Variants in ORC3 observed in about 807,000 individuals in gnomAD.
ORC3 encodes homolog of latheo, Drosophila.
ORC3 carries 78 observed loss-of-function variants against 100.7 expected under a neutral mutation model. That is an observed-to-expected ratio of 0.77 (90% confidence interval 0.65 to 0.94). The LOEUF (loss-of-function observed/expected upper bound fraction) is 0.94. ORC3 is among the 40% of genes least tolerant of loss of function. ORC3 has a pLI of 0.00. For missense variants in ORC3, 789 were observed against 823.9 expected, an observed-to-expected ratio of 0.96 and a Z score of 0.52; for synonymous variants, 295 against 289.3, an observed-to-expected ratio of 1.02 and a Z score of -0.20.
intron 13 of ORC3, among the ~76,000 whole-genome samples, chr6:87,649,507 A>C (rs1583142438): frequency 6.6e-6 from 1 of 152,148 alleles, no homozygotes; most frequent in Non-Finnish European, 1.5e-5. Context: ...CAGCACTTTG[A>C]GAGGCCGAGG....
chr6:87,667,622 T>TA (rs1282919115), downstream of ORC3, among the ~76,000 whole-genome samples: 1 of 151,370 alleles, frequency 6.6e-6, no homozygotes, highest in East Asian at 1.9e-4. Flanking sequence ...CCTGTAGTCT[T>TA]ACAACTTTAA....
chr6:87,596,985 T>G (rs1204189336), intron 2 of ORC3, among the ~76,000 whole-genome samples: 1 of 152,216 alleles, frequency 6.6e-6, no homozygotes, highest in Admixed American at 6.5e-5. Flanking sequence ...AAACTGATAT[T>G]AATACAATCT....
chr6:87,612,132 G>A lies in ORC3; in HGVS notation c.757G>A (p.Ala253Thr). 2 of 1,613,396 alleles carry A rather than the reference G, an allele frequency of 1.2e-6. No homozygotes were observed. The highest frequency in any genetic ancestry group is 2.2e-5 in the East Asian group (1 of 44,784). The change falls in exon 8 of 20, where the codon GCC (alanine) becomes ACC (threonine). Residue 253 changes from alanine to threonine, a missense_variant. Physicochemically the swap from Ala to Thr is moderately conservative, Grantham distance 58 (BLOSUM62 0). Transcript: ENST00000392844. ...EFPLILIFGI[A>T]TSPIIIHRLL... ...TCCACTAATACTCATTTTTGGAATA[G>A]CCACATCTCCTATTATCATCCACCG...
At position 87,643,183 on chromosome 6, in the gene ORC3, C is replaced by T. The variant is rs370579870; in HGVS notation, c.1382+6697C>T. On this transcript the variant is annotated intron_variant, in intron 13 of 19. Coordinates refer to ENST00000392844, the MANE Select transcript of ORC3 (RefSeq NM_012381.4). Reference sequence around the variant, plus strand: ...AAGAATTAGCTGAGATATGGCCTAGCGAGGTGGCTCACGCCTGTAATCCCA... The same window carrying T: ...AAGAATTAGCTGAGATATGGCCTAGTGAGGTGGCTCACGCCTGTAATCCCA... 3.5e-4 allele frequency among the ~76,000 whole-genome samples: 52 copies of T among 148,694 alleles called. 1 individual carries two copies. The highest frequency in any genetic ancestry group is 2.8e-4 in the Non-Finnish European group (19 of 66,734).
chr6:87,651,337 C>T (rs36090981), intron 13 of ORC3: 20,662 of 455,520 alleles, frequency 0.045, 612 homozygotes, highest in African/African-American at 0.099. Flanking sequence ...AAGTCAGTGC[C>T]GGTGATTCCT....
At chr6:87,594,282 A>G (rs1777261044) in intron 1 of ORC3, 71 bp from the exon 2 acceptor site, 2 of 1,107,160 alleles carry the variant, frequency 1.8e-6, no homozygotes, top group Admixed American at 2.1e-5. Flanking sequence ...TACCCATAAA[A>G]TATTTGGTTA....
intron 13 of ORC3, among the ~76,000 whole-genome samples, chr6:87,650,579 T>C (rs1769182627): frequency 6.6e-6 from 1 of 152,210 alleles, no homozygotes; most frequent in Non-Finnish European, 1.5e-5. Context: ...AAATAATGAC[T>C]TTATTGGGGT....
intron 6 of ORC3, among the ~76,000 whole-genome samples, chr6:87,608,144 C>G (rs901615397): frequency 6.6e-6 from 1 of 152,136 alleles, no homozygotes; most frequent in Admixed American, 6.5e-5. Flanking sequence ...GTAACTATAA[C>G]TTTAGTATAT....
intron 13 of ORC3, among the ~76,000 whole-genome samples, chr6:87,639,982 G>C (rs1768117737): frequency 6.6e-6 from 1 of 152,100 alleles, no homozygotes; most frequent in Non-Finnish European, 1.5e-5. Context: ...GGGTGACAGT[G>C]AGATTTCGTC....
the ORC3 span, among the ~76,000 whole-genome samples, chr6:87,676,596 A>AACACACGCACGCGCGCGCACAC: frequency 6.6e-3 from 944 of 142,140 alleles, 14 homozygotes; most frequent in African/African-American, 0.024. Flanking sequence ...CTCTACTAAA[A>AACACACGCACGCGCGCGCACAC]ACACACACAC....
intron 8 of ORC3, among the ~76,000 whole-genome samples, chr6:87,613,515 A>C (rs1248850359): frequency 6.6e-6 from 1 of 152,176 alleles, no homozygotes; most frequent in Non-Finnish European, 1.5e-5. Context: ...CCAAAGTCCT[A>C]ACTCATTTCA....
intron 15 of ORC3, 172 bp downstream of exon 15, chr6:87,657,154 A>G (rs1203376291): frequency 1.8e-6 from 1 of 550,694 alleles, no homozygotes; most frequent in Non-Finnish European, 3.3e-6. Flanking sequence ...TCCCATTGCC[A>G]TCATTACTCT....
chr6:87,591,905 A>G (rs890103984), intron 1 of ORC3, among the ~76,000 whole-genome samples: 1 of 151,978 alleles, frequency 6.6e-6, no homozygotes, highest in African/African-American at 2.4e-5. Flanking sequence ...CTAATTTTGT[A>G]TTTTTAGAAG....
chr6:87,672,343 T>C (rs1770852382), downstream of ORC3, among the ~76,000 whole-genome samples: 3 of 152,284 alleles, frequency 2.0e-5, no homozygotes, highest in South Asian at 6.2e-4. Flanking sequence ...AACATGCTTA[T>C]TATGCTTTTG....
At chr6:87,651,101 G>GT in intron 13 of ORC3, 1 of 452,798 alleles carries the variant, frequency 2.2e-6, no homozygotes. Context: ...CACATTAAGA[G>GT]TTATGACTAA....
At chr6:87,609,493 A>G in intron 7 of ORC3, 1 of 282,230 alleles carries the variant, frequency 3.5e-6, no homozygotes. Flanking sequence ...ACCAAGATTG[A>G]CTGTCTCTTA....
chr6:87,649,215 CCTCA>C, intron 13 of ORC3, among the ~76,000 whole-genome samples: 1 of 152,000 alleles, frequency 6.6e-6, no homozygotes. Flanking sequence ...GTATCTTTTC[CCTCA>C]CTGATTTGAA....
At position 87,653,256 on chromosome 6, in the gene ORC3, G is replaced by A. The variant is rs766563888; in HGVS notation, c.1516+7G>A. On this transcript the variant is annotated splice_region_variant and intron_variant, in intron 14 of 19. Coordinates refer to ENST00000392844, the MANE Select transcript of ORC3 (RefSeq NM_012381.4). ...CAGTTTCAGAGCCTCGATGGTAAGAGTGTAATATCCTTCCAATTCTATTGG... is the reference window on the plus strand; with the variant it reads ...CAGTTTCAGAGCCTCGATGGTAAGAATGTAATATCCTTCCAATTCTATTGG... The A allele has an allele frequency of 1.2e-6, 2 of 1,610,916 alleles. No individual in the cohort carries two copies. The highest frequency in any genetic ancestry group is 4.5e-5 in the East Asian group (2 of 44,846).
At chr6:87,614,857 A>G (rs1779044402) in intron 8 of ORC3, among the ~76,000 whole-genome samples, 1 of 152,154 alleles carries the variant, frequency 6.6e-6, no homozygotes, top group South Asian at 2.1e-4. Flanking sequence ...GTCTCTAGGT[A>G]GTTACAAACT....
Sources: gnomAD v4.1 joint callset for allele counts (sites outside exome capture counted in the v4.1 genomes callset) on GRCh38, gnomAD v4.1.1 for gene constraint, MANE v1.5 for transcripts, NCBI Gene and HGNC (gene_info 2026-07-23, HGNC 2026-07-21) for gene names.